The following DCHS2 variants were observed in gnomAD, a reference collection of about 807,000 sequenced individuals.
DCHS2 encodes dachsous cadherin-related 2, also known as protocadherin-23.
In DCHS2, 142 loss-of-function variants were observed where a neutral mutation model predicts 182.4. The observed-to-expected ratio is 0.78, with a 90% CI of 0.68 to 0.89. The LOEUF (loss-of-function observed/expected upper bound fraction) is 0.89. Among genes scored for constraint, DCHS2 ranks in the 40% least tolerant of loss-of-function variants. DCHS2 has a pLI of 0.00. For missense variants in DCHS2, 4,319 were observed against 4,198.6 expected (o/e 1.03, Z -0.79); for synonymous variants, 1,740 against 1,663.3 (o/e 1.05, Z -1.12).
At chr4:154,329,989 G>T (rs777130307) in intron 5 of DCHS2, among the ~76,000 whole-genome samples, 2 of 152,274 alleles carry the variant, frequency 1.3e-5, no homozygotes, top group East Asian at 3.9e-4. Flanking sequence ...ATAAAACTCC[G>T]TGGGAACTTA....
Position 154,294,070 on chromosome 4 carries a change from G to A in DCHS2, c.6463+3781C>T, listed in dbSNP as rs116739011. Reference sequence around the variant, plus strand: ...GACATTTGGGGAATACCCACTAGGAGCAAATATCCTCTAGCTCTGCTATCC... The same window carrying A: ...GACATTTGGGGAATACCCACTAGGAACAAATATCCTCTAGCTCTGCTATCC... On this transcript the variant is annotated intron_variant, in intron 13 of 19. Coordinates refer to ENST00000357232, the MANE Select transcript of DCHS2 (RefSeq NM_001358235.2). 5.8e-3 allele frequency among the ~76,000 whole-genome samples: 886 copies of A among 152,242 alleles called. 9 individuals are homozygous for A. The highest frequency in any genetic ancestry group is 0.021 in the African/African-American group (862 of 41,518).
rs972190447 is a variant in DCHS2, at chr4:154,490,222, C to A, written c.1134G>T (p.Trp378Cys). ...WRPLDREAQA[W>C]HQLVVEARDG... ...CGCGGGCCTCCACCACCAACTGGTG[C>A]CAGGCCTGTGCCTCGCGGTCCAGAG... The change falls in exon 1 of 20, where the codon TGG becomes TGT. Residue 378 changes from tryptophan to cysteine, a missense_variant. Transcript: ENST00000357232. 3.9e-6 allele frequency: 6 copies of A among 1,549,686 alleles called. No homozygotes were observed. Among genetic ancestry groups the A allele is most frequent in the Non-Finnish European group, 5.2e-6 (6 of 1,146,806 alleles).
In DCHS2 at chr4:154,255,433, G is replaced by A. The variant is rs78953036; in HGVS notation, c.6941+86C>T. 4.7e-3 allele frequency: 6,897 copies of A among 1,477,068 alleles called. 219 individuals are homozygous for A. The East Asian group carries it at 0.087, about 19-fold the overall frequency. The allele number at this position is 1,477,068 out of a possible 1,614,324, so 91.5% of individuals were successfully genotyped here. A position where few individuals can be genotyped will look rare whatever the true frequency, so the allele number is the denominator to read the frequency against. On this transcript the variant is annotated intron_variant, in intron 16 of 19. Transcript: ENST00000357232. ...ATAACACATTTTACAATAAGCTTAC[G>A]TAACAGGAAGTTATGAACAAAACAG...
chr4:154,319,528 C>T (rs1735975556), intron 9 of DCHS2, among the ~76,000 whole-genome samples: 1 of 151,088 alleles, frequency 6.6e-6, no homozygotes, highest in Non-Finnish European at 1.5e-5. Flanking sequence ...TGAATAGAAA[C>T]ATCTCCAAAA....
In DCHS2 at chr4:154,367,758, A is replaced by G; in HGVS notation, c.2245-1317T>C. The stretch of plus-strand genomic sequence containing the variant: ...TTTTTCTACTCTGGCAGGGAGGCAC[A>G]GAGCAAGGAGGAAAAATGACAAGGA... On this transcript the variant is annotated intron_variant, in intron 2 of 19. Transcript: ENST00000357232. Among the ~76,000 whole-genome samples the G allele has an allele frequency of 1.3e-5, 2 of 152,072 alleles. 1 individual carries two copies. The highest frequency in any genetic ancestry group is 3.9e-4 in the East Asian group (2 of 5,158).
chr4:154,352,618 T>C (rs934034498), intron 3 of DCHS2: 2 of 152,176 alleles, frequency 1.3e-5, no homozygotes, highest in African/African-American at 4.8e-5. Flanking sequence ...TAAAGGAAAG[T>C]TTTGTGTTCT....
chr4:154,265,408 A>T lies in DCHS2; in HGVS notation c.6577+4492T>A, dbSNP rs945839286. On this transcript the variant is annotated intron_variant, in intron 14 of 19. Coordinates refer to ENST00000357232, the MANE Select transcript of DCHS2 (RefSeq NM_001358235.2). ...GAAGAGTACGTAGCATGATTCTATT[A>T]TCATACTTAAGTCAAGGTAAAAGTA... Among the ~76,000 whole-genome samples, 3 of 152,350 alleles carry T rather than the reference A, an allele frequency of 2.0e-5. No individual in the cohort carries two copies. In the South Asian group the frequency reaches 6.2e-4, roughly 32 times the overall value.
At chr4:154,248,535 GATA>G (rs1400181960) in intron 16 of DCHS2, among the ~76,000 whole-genome samples, 35 of 152,024 alleles carry the variant, frequency 2.3e-4, no homozygotes, top group Non-Finnish European at 2.9e-5. Flanking sequence ...ATATTACTTT[GATA>G]ATAATAAAAA....
At position 154,234,367 on chromosome 4, in the gene DCHS2, G is replaced by A; in HGVS notation, c.*169C>T. ...AAAAGAGGAAATAACTTTTCATTAA[G>A]GCTGGAAGAAATTGGAGAAACTTTA... On this transcript the variant is annotated 3_prime_UTR_variant, in exon 20 of 20. Coordinates refer to ENST00000357232, the MANE Select transcript of DCHS2 (RefSeq NM_001358235.2). 1 of 934,684 alleles carries A rather than the reference G, an allele frequency of 1.1e-6. No individual in the cohort carries two copies. Among genetic ancestry groups the A allele is most frequent in the South Asian group, 2.0e-5 (1 of 49,584 alleles). 57.9% of individuals were successfully genotyped at this position (934,684 alleles called of 1,614,324 possible).
chr4:154,331,089 C>T (rs78091163), intron 5 of DCHS2, among the ~76,000 whole-genome samples: 1 of 152,060 alleles, frequency 6.6e-6, no homozygotes, highest in East Asian at 1.9e-4. Context: ...GGTGTGTCTC[C>T]CAGGCTCTGA....
At chr4:154,472,354 T>A (rs564796768) in intron 1 of DCHS2, among the ~76,000 whole-genome samples, 1 of 152,358 alleles carries the variant, frequency 6.6e-6, no homozygotes, top group South Asian at 2.1e-4. Flanking sequence ...ATCCTAGAAA[T>A]GAGCTCTGTC....
At chr4:154,452,286 A>G (rs1207602914) in intron 1 of DCHS2, among the ~76,000 whole-genome samples, 16 of 152,206 alleles carry the variant, frequency 1.1e-4, no homozygotes, top group Admixed American at 1.0e-3. Context: ...TCATTTGTCA[A>G]TCTAATACTC....
intron 16 of DCHS2, among the ~76,000 whole-genome samples, chr4:154,245,678 A>G (rs751234128): frequency 2.0e-5 from 3 of 152,192 alleles, no homozygotes; most frequent in Non-Finnish European, 4.4e-5. Flanking sequence ...ATTCTTCTAA[A>G]ATGATATCAA....
intron 1 of DCHS2, among the ~76,000 whole-genome samples, chr4:154,389,516 T>TATATA (rs1731575119): frequency 4.5e-5 from 5 of 111,196 alleles, no homozygotes; most frequent in African/African-American, 1.6e-4. Context: ...AAGACAAAGG[T>TATATA]TATATATATA....
Position 154,315,775 on chromosome 4 carries a change from T to C in DCHS2, c.5233A>G (p.Arg1745Gly). The change falls in exon 10 of 20, where the codon AGG becomes GGG. Residue 1745 changes from arginine to glycine, a missense_variant. Physicochemically the swap from Arg to Gly is moderately radical, Grantham distance 125. Coordinates refer to ENST00000357232, the MANE Select transcript of DCHS2 (RefSeq NM_001358235.2). The part of the protein sequence containing the change: ...ENQNPGEFVT[R>G]VEALDRDSGV... Reference sequence around the variant, plus strand: ...GAATCTCTGTCCAGAGCTTCAACCCTGGTAACAAACTCCCCTGGATTTTGG... The same window carrying C: ...GAATCTCTGTCCAGAGCTTCAACCCCGGTAACAAACTCCCCTGGATTTTGG... The C allele has an allele frequency of 6.2e-7, 1 of 1,614,066 alleles. No individual in the cohort carries two copies. The highest frequency in any genetic ancestry group is 1.1e-5 in the South Asian group (1 of 91,080).
chr4:154,372,014 T>C (rs2110789241), intron 2 of DCHS2, among the ~76,000 whole-genome samples: 1 of 152,204 alleles, frequency 6.6e-6, no homozygotes, highest in East Asian at 1.9e-4. Context: ...AGGGATGAAC[T>C]GGGCAGGGTG....
chr4:154,289,709 T>C (rs1274429663), intron 13 of DCHS2, among the ~76,000 whole-genome samples: 1 of 151,964 alleles, frequency 6.6e-6, no homozygotes, highest in Non-Finnish European at 1.5e-5. Flanking sequence ...AGCAAACCAA[T>C]TCAACAACAC....
intron 1 of DCHS2, among the ~76,000 whole-genome samples, chr4:154,488,900 GTCTGTGTGT>G (rs1728683828): frequency 2.1e-4 from 3 of 14,444 alleles, no homozygotes; most frequent in Non-Finnish European, 7.8e-4. Context: ...GTGTGTGTGT[GTCTGTGTGT>G]GTGTGTGTGT....
intron 13 of DCHS2, among the ~76,000 whole-genome samples, chr4:154,271,041 T>C (rs1435865366): frequency 6.6e-6 from 1 of 152,182 alleles, no homozygotes; most frequent in Non-Finnish European, 1.5e-5. Flanking sequence ...GGAAGTCATT[T>C]TAAGTTACGG....
Sources: allele counts gnomAD v4.1 joint callset (sites outside exome capture counted in the v4.1 genomes callset), GRCh38; gene constraint gnomAD v4.1.1; transcripts MANE v1.5; gene names NCBI Gene and HGNC (gene_info 2026-07-23, HGNC 2026-07-21).